SGCZ: variants seen among roughly 807,000 people sequenced by gnomAD.
SGCZ encodes sarcoglycan zeta.
A neutral mutation model predicts 41.3 loss-of-function variants in SGCZ; 40 were observed. The ratio of observed to expected loss-of-function variants is 0.97; its 90% CI spans 0.75 to 1.26. The LOEUF is 1.26. Ranked by LOEUF, SGCZ falls within the 50% of genes most tolerant of loss-of-function variation. SGCZ has a pLI of 0.00. For missense variants in SGCZ, 552 were observed against 369.8 expected, an observed-to-expected ratio of 1.49 and a Z score of -4.04; for synonymous variants, 206 against 137.5, an observed-to-expected ratio of 1.50 and a Z score of -3.49.
In SGCZ at chr8:14,663,416, T is replaced by C. The variant is rs547155414; in HGVS notation, c.40-108490A>G. Among the ~76,000 whole-genome samples, 161 of 152,318 alleles carry C rather than the reference T, an allele frequency of 1.1e-3. 1 individual carries two copies. Among genetic ancestry groups the C allele is most frequent in the African/African-American group, 3.8e-3 (157 of 41,588 alleles). The stretch of plus-strand genomic sequence containing the variant: ...TATTTCACCTATAGATGTATGCAAC[T>C]AATTATGTCCAGGTGATATCTCTTC... On this transcript the variant is annotated intron_variant, in intron 1 of 7. Transcript: ENST00000382080.
chr8:14,393,237 C>T (rs1270079222), intron 2 of SGCZ, among the ~76,000 whole-genome samples: 1 of 152,056 alleles, frequency 6.6e-6, no homozygotes, highest in Non-Finnish European at 1.5e-5. Context: ...CTCAGTAAGG[C>T]TTTTCTCTTT....
chr8:15,213,079 C>T (rs1220856195), intron 1 of SGCZ, among the ~76,000 whole-genome samples: 5 of 151,678 alleles, frequency 3.3e-5, no homozygotes, highest in South Asian at 2.1e-4. Flanking sequence ...TCTTGAGGGG[C>T]GACATAAAGG....
At chr8:14,766,625 G>A (rs1419259119) in intron 1 of SGCZ, among the ~76,000 whole-genome samples, 2 of 151,406 alleles carry the variant, frequency 1.3e-5, no homozygotes, top group Non-Finnish European at 2.9e-5. Flanking sequence ...GCAGTACTGC[G>A]ATCTCGGCTC....
At chr8:15,151,360 C>T (rs183205475) in intron 1 of SGCZ, among the ~76,000 whole-genome samples, 92 of 152,328 alleles carry the variant, frequency 6.0e-4, no homozygotes, top group African/African-American at 2.1e-3. Context: ...AGCCATTCAA[C>T]TCTGGAGTCA....
At chr8:14,878,609 G>T (rs764850936) in intron 1 of SGCZ, among the ~76,000 whole-genome samples, 1 of 152,124 alleles carries the variant, frequency 6.6e-6, no homozygotes, top group Non-Finnish European at 1.5e-5. Flanking sequence ...GGATACTGTT[G>T]ATTTAACAAA....
At chr8:15,001,540 T>C (rs1364713361) in intron 1 of SGCZ, among the ~76,000 whole-genome samples, 3 of 151,882 alleles carry the variant, frequency 2.0e-5, no homozygotes, top group East Asian at 1.9e-4. Flanking sequence ...CCATCCTGGC[T>C]AACACAGTGA....
At chr8:14,254,941 C>A (rs1255416885) in intron 3 of SGCZ, among the ~76,000 whole-genome samples, 2 of 152,178 alleles carry the variant, frequency 1.3e-5, no homozygotes, top group Admixed American at 6.5e-5. Flanking sequence ...TCCTGATCCA[C>A]AAAGTGAAGT....
At chr8:14,734,998 G>C (rs1203017175) in intron 1 of SGCZ, among the ~76,000 whole-genome samples, 1 of 152,152 alleles carries the variant, frequency 6.6e-6, no homozygotes, top group Non-Finnish European at 1.5e-5. Flanking sequence ...CAACTTCAAA[G>C]TAGTAAGACA....
At chr8:14,790,074 C>T (rs1490644437) in intron 1 of SGCZ, among the ~76,000 whole-genome samples, 1 of 152,056 alleles carries the variant, frequency 6.6e-6, no homozygotes, top group African/African-American at 2.4e-5. Context: ...GAAAAAAATA[C>T]TGTCAATTTA....
In SGCZ at chr8:14,723,690, G is replaced by C. The variant is rs182308602; in HGVS notation, c.40-168764C>G. Among the ~76,000 whole-genome samples, 3 of 151,678 alleles carry C rather than the reference G, an allele frequency of 2.0e-5. No individual in the cohort carries two copies. In the East Asian group the frequency reaches 5.8e-4, roughly 29 times the overall value. On this transcript the variant is annotated intron_variant, in intron 1 of 7. Coordinates refer to ENST00000382080, the MANE Select transcript of SGCZ (RefSeq NM_139167.4). ...TTTATCTATATATATATATGTCTGTGTCTATGCATATATATGCATACATAT... is the reference window on the plus strand; with the variant it reads ...TTTATCTATATATATATATGTCTGTCTCTATGCATATATATGCATACATAT...
chr8:14,280,969 T>C (rs1800411322), intron 3 of SGCZ, among the ~76,000 whole-genome samples: 1 of 151,862 alleles, frequency 6.6e-6, no homozygotes. Flanking sequence ...GATAACCATA[T>C]CCTTTCTGAA....
At chr8:14,233,241 C>T (rs1485439770) in intron 4 of SGCZ, among the ~76,000 whole-genome samples, 1 of 151,754 alleles carries the variant, frequency 6.6e-6, no homozygotes, top group Non-Finnish European at 1.5e-5. Context: ...TAGTTTTTAG[C>T]TATTACTTCA....
chr8:15,187,699 A>T (rs1344348854), intron 1 of SGCZ, among the ~76,000 whole-genome samples: 2 of 152,138 alleles, frequency 1.3e-5, no homozygotes, highest in Non-Finnish European at 1.5e-5. Flanking sequence ...TAACTTAAAA[A>T]ATTATTTCTA....
chr8:14,669,552 A>C (rs188051884), intron 1 of SGCZ, among the ~76,000 whole-genome samples: 1 of 152,188 alleles, frequency 6.6e-6, no homozygotes, highest in Non-Finnish European at 1.5e-5. Flanking sequence ...TAGATTCCAT[A>C]TATAAGTAAG....
At chr8:14,124,729 T>C (rs1042239813) in intron 5 of SGCZ, among the ~76,000 whole-genome samples, 1 of 152,196 alleles carries the variant, frequency 6.6e-6, no homozygotes, top group African/African-American at 2.4e-5. Context: ...TATTCAAATA[T>C]GCTCATTCTT....
chr8:14,892,771 T>G (rs962769992), intron 1 of SGCZ, among the ~76,000 whole-genome samples: 2 of 152,188 alleles, frequency 1.3e-5, no homozygotes, highest in Middle Eastern at 3.2e-3. Flanking sequence ...TTAATTTCCA[T>G]GTATCACTTG....
chr8:14,405,290 A>G (rs561661666), intron 2 of SGCZ, among the ~76,000 whole-genome samples: 2 of 152,178 alleles, frequency 1.3e-5, no homozygotes, highest in Non-Finnish European at 2.9e-5. Flanking sequence ...TAAGCTTTAT[A>G]TGTTATTTTG....
chr8:14,533,178 T>C (rs1333961677), intron 2 of SGCZ, among the ~76,000 whole-genome samples: 1 of 151,756 alleles, frequency 6.6e-6, no homozygotes, highest in Non-Finnish European at 1.5e-5. Context: ...CGGTGTGTTG[T>C]CTTCCCCACC....
intron 1 of SGCZ, among the ~76,000 whole-genome samples, chr8:14,607,344 G>C (rs533995214): frequency 6.6e-6 from 1 of 151,930 alleles, no homozygotes; most frequent in Non-Finnish European, 1.5e-5. Context: ...ACTGAATTAC[G>C]ATCATCACTG....
Sources: allele counts gnomAD v4.1 joint callset (sites outside exome capture counted in the v4.1 genomes callset), GRCh38; gene constraint gnomAD v4.1.1; transcripts MANE v1.5; gene names NCBI Gene and HGNC (gene_info 2026-07-23, HGNC 2026-07-21).